The following FHAD1 variants were observed in gnomAD, a reference collection of about 807,000 sequenced individuals.
FHAD1 encodes forkhead associated phosphopeptide binding domain 1.
FHAD1 carries 146 observed loss-of-function variants against 191.3 expected under a neutral mutation model. The ratio of observed to expected loss-of-function variants is 0.76; its 90% CI spans 0.67 to 0.88. The LOEUF (loss-of-function observed/expected upper bound fraction) is 0.88. Ranked by LOEUF, FHAD1 falls within the 40% of genes least tolerant of loss-of-function variation. The pLI, the probability that FHAD1 is intolerant of heterozygous loss-of-function variation, is 0.00. For missense variants in FHAD1, 1,635 were observed against 1,785.8 expected (o/e 0.92, Z 1.52); for synonymous variants, 616 against 672.3 (o/e 0.92, Z 1.29).
intron 5 of FHAD1, among the ~76,000 whole-genome samples, chr1:15,297,366 T>C (rs1667303528): frequency 6.6e-6 from 1 of 152,228 alleles, no homozygotes; most frequent in African/African-American, 2.4e-5. Context: ...CTGAAAATTA[T>C]ATGATAATCG....
At chr1:15,286,677 C>CA (rs528761191) in intron 3 of FHAD1, among the ~76,000 whole-genome samples, 50 of 152,312 alleles carry the variant, frequency 3.3e-4, no homozygotes, top group African/African-American at 1.2e-3. Flanking sequence ...TCACTATGGC[C>CA]ACTGAATGTG....
intron 8 of FHAD1, among the ~76,000 whole-genome samples, chr1:15,314,880 G>A (rs1425366794): frequency 1.4e-5 from 2 of 145,594 alleles, no homozygotes; most frequent in African/African-American, 5.1e-5. Flanking sequence ...GGTGTGGTAT[G>A]GGGGTGCGTG....
At chr1:15,300,745 C>T (rs959653416) in intron 5 of FHAD1, among the ~76,000 whole-genome samples, 1 of 152,226 alleles carries the variant, frequency 6.6e-6, no homozygotes, top group African/African-American at 2.4e-5. Flanking sequence ...ACTCTTGTCT[C>T]TATGAGTTGC....
At chr1:15,360,207 C>A (rs971527967) in intron 21 of FHAD1, among the ~76,000 whole-genome samples, 4 of 152,204 alleles carry the variant, frequency 2.6e-5, no homozygotes, top group African/African-American at 9.7e-5. Flanking sequence ...ATGAAACAGA[C>A]GCTGGAACAG....
intron 14 of FHAD1, among the ~76,000 whole-genome samples, chr1:15,330,841 A>T (rs985937732): frequency 6.6e-5 from 10 of 152,154 alleles, no homozygotes; most frequent in Admixed American, 5.9e-4. Context: ...GGCCTTAAGT[A>T]AGGAGCTGGA....
At chr1:15,332,768 G>A (rs1435203405) in intron 14 of FHAD1, among the ~76,000 whole-genome samples, 1 of 152,232 alleles carries the variant, frequency 6.6e-6, no homozygotes, top group East Asian at 1.9e-4. Flanking sequence ...AGTAATTCCA[G>A]CAGGGCTAAG....
intron 20 of FHAD1, among the ~76,000 whole-genome samples, chr1:15,354,183 G>A (rs1691917205): frequency 6.6e-6 from 1 of 152,160 alleles, no homozygotes; most frequent in African/African-American, 2.4e-5. Context: ...TTGAATCTCT[G>A]GGGAATTTAT....
chr1:15,394,126 G>T (rs1030373260), intron 33 of FHAD1, among the ~76,000 whole-genome samples: 1 of 152,184 alleles, frequency 6.6e-6, no homozygotes. Flanking sequence ...AGTGGAATCT[G>T]TGCATTTCAC....
downstream of FHAD1, among the ~76,000 whole-genome samples, chr1:15,399,036 G>GGTCTAGAACT (rs1175000226): frequency 2.0e-5 from 3 of 152,056 alleles, no homozygotes; most frequent in African/African-American, 7.2e-5. Flanking sequence ...TGGCCAGACT[G>GGTCTAGAACT]GTCTAGAACT....
rs374013797 is a variant in FHAD1 at position 15,360,491 on chromosome 1, A to G, written c.2750A>G (p.Glu917Gly). ...TTKTKMIMVE[E>G]RLILQQKMVK... ...TCTGTTTCCCAGATCATGGTGGAAG[A>G]GCGGCTAATCCTGCAGCAGAAGATG... Residue 917 changes from glutamate to glycine, a missense_variant, in exon 22 of 34, where the codon GAG (glutamate) becomes GGG (glycine). By Grantham distance (98) the Glu-to-Gly change is moderately conservative (BLOSUM62 -2). Coordinates refer to ENST00000688493, the MANE Select transcript of FHAD1 (RefSeq NM_001391957.1). The G allele has an allele frequency of 1.2e-4, 191 of 1,551,154 alleles. No individual in the cohort carries two copies. Among genetic ancestry groups the G allele is most frequent in the Non-Finnish European group, 1.6e-4 (184 of 1,146,862 alleles).
chr1:15,302,660 A>G (rs1035942690), intron 6 of FHAD1, among the ~76,000 whole-genome samples: 1 of 150,606 alleles, frequency 6.6e-6, no homozygotes, highest in Non-Finnish European at 1.5e-5. Context: ...CAGAGCTTGC[A>G]GTGAGCCAAG....
chr1:15,262,698 G>A (rs1651639493), intron 2 of FHAD1, among the ~76,000 whole-genome samples: 2 of 152,162 alleles, frequency 1.3e-5, no homozygotes, highest in Admixed American at 1.3e-4. Flanking sequence ...TCTTTTGTCT[G>A]TCCATGGACA....
Position 15,338,904 on chromosome 1 carries a change from C to T in FHAD1, c.1907-577C>T, listed in dbSNP as rs114629705. 3.8e-3 allele frequency among the ~76,000 whole-genome samples: 583 copies of T among 152,284 alleles called. 6 individuals carry two copies. The highest frequency in any genetic ancestry group is 0.014 in the African/African-American group (565 of 41,558). ...GCTTTAGACCATCCCCCACACTCAG[C>T]ACCATGCTTCACACACAGTAGACAG... On this transcript the variant is annotated intron_variant, in intron 14 of 33. Transcript: ENST00000688493.
At chr1:15,334,232 C>T (rs930843840) in intron 14 of FHAD1, 1 of 152,130 alleles carries the variant, frequency 6.6e-6, no homozygotes, top group Non-Finnish European at 1.5e-5. Flanking sequence ...CTTTGTGACC[C>T]TAACACCTGT....
chr1:15,347,739 G>A (rs574862237), intron 18 of FHAD1, among the ~76,000 whole-genome samples: 16 of 152,298 alleles, frequency 1.1e-4, no homozygotes, highest in Admixed American at 2.6e-4. Context: ...GTGAGCCACC[G>A]CTCCCGGCCT....
intron 14 of FHAD1, chr1:15,334,314 C>G (rs1192828597): frequency 2.0e-5 from 3 of 150,780 alleles, no homozygotes; most frequent in Non-Finnish European, 1.5e-5. Context: ...GACAATGCAG[C>G]AATGTACCAG....
At chr1:15,247,697 C>T (rs1646256693) in intron 1 of FHAD1, among the ~76,000 whole-genome samples, 1 of 152,144 alleles carries the variant, frequency 6.6e-6, no homozygotes, top group Non-Finnish European at 1.5e-5. Context: ...CCCTGCTGCC[C>T]CTGACTTACG....
Position 15,247,394 on chromosome 1 carries a change from A to C in FHAD1, c.-16A>C. The C allele has an allele frequency of 4.9e-6, 1 of 204,928 alleles. No homozygotes were observed. The highest frequency in any genetic ancestry group is 4.4e-5 in the South Asian group (1 of 22,742). 12.7% of individuals were successfully genotyped at this position (204,928 alleles called of 1,614,324 possible). A position where few individuals can be genotyped will look rare whatever the true frequency, so the allele number is the denominator to read the frequency against. On this transcript the variant is annotated splice_region_variant and 5_prime_UTR_variant, in exon 1 of 34. Coordinates refer to ENST00000688493, the MANE Select transcript of FHAD1 (RefSeq NM_001391957.1). ...GGAGCGTGGGCTTCCTCCTCCCGCC[A>C]GGTGAGTGCGGCGCGGGAAGGGGTG...
chr1:15,316,127 T>C lies in FHAD1; in HGVS notation c.1171-251T>C, dbSNP rs1000486682. Reference sequence around the variant, plus strand: ...AGCTGGATTTTCCTTGTGGTTTAGATTGCTGGCTTTTGAAGATGAGAGTAG... The same window carrying C: ...AGCTGGATTTTCCTTGTGGTTTAGACTGCTGGCTTTTGAAGATGAGAGTAG... On this transcript the variant is annotated intron_variant, in intron 8 of 33. Transcript: ENST00000688493. The surrounding 1 kb of genome is among the most constrained non-coding windows in gnomAD (Gnocchi z 4.3). 6.6e-6 allele frequency among the ~76,000 whole-genome samples: 1 copy of C among 152,248 alleles called. No homozygotes were observed. The highest frequency in any genetic ancestry group is 1.5e-5 in the Non-Finnish European group (1 of 68,046).
Sources: allele counts gnomAD v4.1 joint callset (sites outside exome capture counted in the v4.1 genomes callset), GRCh38; gene constraint gnomAD v4.1.1; non-coding constraint Gnocchi (gnomAD v3.1); transcripts MANE v1.5; gene names NCBI Gene and HGNC (gene_info 2026-07-23, HGNC 2026-07-21).